The following CNTNAP2 variants were observed in gnomAD, a reference collection of about 807,000 sequenced individuals.
CNTNAP2 encodes the protein contactin-associated protein-like 2.
Under a neutral mutation model 155.2 loss-of-function variants are expected in CNTNAP2, and 98 were observed. The ratio of observed to expected loss-of-function variants is 0.63; its 90% confidence interval spans 0.54 to 0.75. CNTNAP2 has a LOEUF of 0.75. Among genes scored for constraint, CNTNAP2 ranks in the 30% least tolerant of loss-of-function variants. The pLI is 0.00. For synonymous variants in CNTNAP2, 651 were observed against 631.2 expected, an observed-to-expected ratio of 1.03 and a Z score of -0.47; for missense variants, 1,727 against 1,688.1, an observed-to-expected ratio of 1.02 and a Z score of -0.40.
intron 9 of CNTNAP2, among the ~76,000 whole-genome samples, chr7:147,325,049 A>G (rs1229579288): frequency 1.3e-5 from 2 of 152,186 alleles, no homozygotes; most frequent in African/African-American, 4.8e-5. Context: ...CATGCCTGTA[A>G]TCCCAGCACT....
intron 21 of CNTNAP2, among the ~76,000 whole-genome samples, chr7:148,312,900 G>A (rs1426667747): frequency 2.0e-5 from 3 of 150,736 alleles, no homozygotes; most frequent in African/African-American, 7.4e-5. Flanking sequence ...GTGGGTTAAG[G>A]TGGGGAGATA....
chr7:147,806,549 C>T (rs1798095225), intron 13 of CNTNAP2, among the ~76,000 whole-genome samples: 1 of 152,126 alleles, frequency 6.6e-6, no homozygotes, highest in African/African-American at 2.4e-5. Flanking sequence ...TCTGCACTCC[C>T]AGGTTTATTG....
intron 1 of CNTNAP2, among the ~76,000 whole-genome samples, chr7:146,211,189 A>G (rs937514807): frequency 5.3e-5 from 8 of 152,326 alleles, no homozygotes; most frequent in Non-Finnish European, 1.2e-4. Flanking sequence ...ACTTTATGTA[A>G]GTTGCTTAAA....
intron 8 of CNTNAP2, among the ~76,000 whole-genome samples, chr7:147,253,351 C>A (rs1277385818): frequency 6.6e-6 from 1 of 150,994 alleles, no homozygotes; most frequent in Non-Finnish European, 1.5e-5. Context: ...CCAGCTGGAG[C>A]CAATCCTGCT....
intron 15 of CNTNAP2, among the ~76,000 whole-genome samples, chr7:147,987,705 T>C (rs1468924253): frequency 6.6e-6 from 1 of 152,176 alleles, no homozygotes; most frequent in Non-Finnish European, 1.5e-5. Context: ...TTTTATATTT[T>C]ATTTTTTGAG....
intron 13 of CNTNAP2, among the ~76,000 whole-genome samples, chr7:147,710,197 CTTTA>C (rs962252239): frequency 2.3e-4 from 35 of 152,268 alleles, no homozygotes; most frequent in African/African-American, 7.5e-4. Flanking sequence ...ATTTACAACT[CTTTA>C]TTGGTATCAT....
At chr7:147,494,252 A>C (rs949339049) in intron 11 of CNTNAP2, among the ~76,000 whole-genome samples, 2 of 152,274 alleles carry the variant, frequency 1.3e-5, no homozygotes, top group African/African-American at 4.8e-5. Flanking sequence ...TTTTGGCCAC[A>C]ACCAAATAAA....
intron 15 of CNTNAP2, among the ~76,000 whole-genome samples, chr7:148,092,350 G>A (rs1317491540): frequency 6.6e-6 from 1 of 152,170 alleles, no homozygotes; most frequent in Admixed American, 6.6e-5. Flanking sequence ...ATCTTAATGA[G>A]TGGCATGATT....
chr7:148,403,379 C>A (rs920521510), intron 22 of CNTNAP2, among the ~76,000 whole-genome samples: 6 of 152,018 alleles, frequency 3.9e-5, no homozygotes, highest in African/African-American at 1.5e-4. Context: ...GGAATGGCAC[C>A]ATGCTTTGGT....
chr7:146,151,672 A>ATG (rs1562969025), intron 1 of CNTNAP2, among the ~76,000 whole-genome samples: 8 of 41,824 alleles, frequency 1.9e-4, no homozygotes, highest in East Asian at 1.2e-3. Flanking sequence ...ATATATATAT[A>ATG]TATATATATG....
intron 23 of CNTNAP2, among the ~76,000 whole-genome samples, chr7:148,414,041 A>G (rs530049661): frequency 6.6e-6 from 1 of 150,724 alleles, no homozygotes; most frequent in Non-Finnish European, 1.5e-5. Context: ...GTTTTATCTA[A>G]TCTGTATTAT....
intron 1 of CNTNAP2, among the ~76,000 whole-genome samples, chr7:146,182,022 T>G (rs976974624): frequency 4.6e-5 from 7 of 152,114 alleles, no homozygotes; most frequent in Non-Finnish European, 1.5e-5. Context: ...CCAGGTTATG[T>G]TGAAACTTAT....
chr7:146,254,163 AAGC>A (rs1799802639), intron 1 of CNTNAP2, among the ~76,000 whole-genome samples: 1 of 129,146 alleles, frequency 7.7e-6, no homozygotes, highest in African/African-American at 3.8e-5. Context: ...ACACACACAC[AAGC>A]AAACACACAC....
chr7:147,355,023 A>G (rs1234048152), intron 9 of CNTNAP2, among the ~76,000 whole-genome samples: 3 of 152,088 alleles, frequency 2.0e-5, no homozygotes, highest in African/African-American at 7.2e-5. Context: ...TATCATTTCA[A>G]GAAGTTTTTG....
In CNTNAP2 at chr7:147,711,685, A is replaced by G. The variant is rs527548316; in HGVS notation, c.2098+72379A>G. On this transcript the variant is annotated intron_variant, in intron 13 of 23. Transcript: ENST00000361727. Reference sequence around the variant, plus strand: ...GCTATGGAAATAAACGGCTAGAGGCAGCTGTGCTTCCCTCTTGCTAAACAC... The same window carrying G: ...GCTATGGAAATAAACGGCTAGAGGCGGCTGTGCTTCCCTCTTGCTAAACAC... 8.5e-5 allele frequency among the ~76,000 whole-genome samples: 13 copies of G among 152,340 alleles called. 1 individual carries two copies. In the South Asian group the frequency reaches 2.5e-3, roughly 29 times the overall value.
intron 11 of CNTNAP2, among the ~76,000 whole-genome samples, chr7:147,519,630 A>AGGTGGGC (rs1313768416): frequency 1.3e-5 from 2 of 152,208 alleles, no homozygotes; most frequent in African/African-American, 2.4e-5. Flanking sequence ...TGGGAGGCCA[A>AGGTGGGC]GGTGGGCGGA....
At chr7:146,632,942 CA>C (rs71165021) in intron 1 of CNTNAP2, among the ~76,000 whole-genome samples, 34 of 145,028 alleles carry the variant, frequency 2.3e-4, no homozygotes, top group Admixed American at 3.4e-4. Context: ...AATTGGTAAG[CA>C]AAAAAAAAAA....
At chr7:147,227,106 A>T (rs1033651028) in intron 8 of CNTNAP2, among the ~76,000 whole-genome samples, 1 of 152,188 alleles carries the variant, frequency 6.6e-6, no homozygotes, top group Non-Finnish European at 1.5e-5. Context: ...CCCTGAGAAG[A>T]TGGCAATTTA....
chr7:146,897,446 T>G (rs1795900098), intron 3 of CNTNAP2, among the ~76,000 whole-genome samples: 1 of 152,096 alleles, frequency 6.6e-6, no homozygotes, highest in African/African-American at 2.4e-5. Flanking sequence ...TTTAAGACTC[T>G]AGGCCAAACA....
Sources: gnomAD v4.1 joint callset for allele counts (sites outside exome capture counted in the v4.1 genomes callset) on GRCh38, gnomAD v4.1.1 for gene constraint, MANE v1.5 for transcripts, NCBI Gene and HGNC (gene_info 2026-07-23, HGNC 2026-07-21) for gene names.